Variants in LTBP3 observed in about 807,000 individuals in gnomAD.
LTBP3 encodes latent-transforming growth factor beta-binding protein 3.
A neutral mutation model predicts 159.7 loss-of-function variants in LTBP3; 97 were observed. The observed-to-expected ratio is 0.61, with a 90% confidence interval of 0.52 to 0.72. The LOEUF (loss-of-function observed/expected upper bound fraction) is 0.72. Among genes scored for constraint, LTBP3 ranks in the 30% least tolerant of loss-of-function variants. The pLI is 0.00. For synonymous variants in LTBP3, 824 were observed against 777.1 expected (o/e 1.06, Z -1.00); for missense variants, 1,584 against 1,864.3 (o/e 0.85, Z 2.77).
In LTBP3 at chr11:65,539,204, T is replaced by G. The variant is rs1010749384; in HGVS notation, c.3788A>C (p.Gln1263Pro). ...VDIDECRELNQRGLLCKSERC... is the reference protein window; with the variant it reads ...VDIDECRELNPRGLLCKSERC... ...CTCGCTCTTGCACAGCAGCCCGCGC[T>G]GGTTCAGCTCTCGGCACTCGTCGAT... Residue 1263 changes from glutamine to proline, a missense_variant, in exon 28 of 28, where the codon CAG becomes CCG. Coordinates refer to ENST00000301873, the MANE Select transcript of LTBP3 (RefSeq NM_001130144.3). The G allele has an allele frequency of 6.6e-7, 1 of 1,526,008 alleles. No individual in the cohort carries two copies. The highest frequency in any genetic ancestry group is 1.4e-5 in the African/African-American group (1 of 71,228). The allele number at this position is 1,526,008 out of a possible 1,614,324, so 94.5% of individuals were successfully genotyped here. A position where few individuals can be genotyped will look rare whatever the true frequency, so the allele number is the denominator to read the frequency against.
intron 16 of LTBP3, chr11:65,543,932 C>T: frequency 3.0e-6 from 1 of 331,730 alleles, no homozygotes; most frequent in Non-Finnish European, 6.0e-6. Context: ...TCCCCCGGGA[C>T]ACACTTTCCT....
Position 65,553,202 on chromosome 11 carries a change from G to A in LTBP3, c.1025C>T (p.Pro342Leu), listed in dbSNP as rs1856674742. 4 of 1,614,036 alleles carry A rather than the reference G, an allele frequency of 2.5e-6. No individual in the cohort carries two copies. The Admixed American group carries it at 6.7e-5, about 27-fold the overall frequency. Residue 342 changes from proline (P) to leucine (L), a missense_variant, in exon 5 of 28, where the codon CCC becomes CTC. This residue lies in a region of LTBP3 where 156 missense variants were observed against 259.7 expected (regional missense o/e 0.60). Coordinates refer to ENST00000301873, the MANE Select transcript of LTBP3 (RefSeq NM_001130144.3). The surrounding 1 kb of genome is among the most constrained non-coding windows in gnomAD (Gnocchi z 6.5). ...GCTGTTAAGCCTCTTGTAGCCCTGGGGACAGTCAGCGCCCACTTCCCCACG... is the reference window on the plus strand; with the variant it reads ...GCTGTTAAGCCTCTTGTAGCCCTGGAGACAGTCAGCGCCCACTTCCCCACG... ...PVRGEVGADC[P>L]QGYKRLNSTH...
At chr11:65,543,575 G>A (rs1440774689) in intron 16 of LTBP3, 26 bp from the exon 17 acceptor site, 2 of 1,613,874 alleles carry the variant, frequency 1.2e-6, no homozygotes, top group Non-Finnish European at 1.7e-6. Context: ...GGTGTCAGAG[G>A]ACCAGGCTGG....
In LTBP3 at chr11:65,541,657, A is replaced by G; in HGVS notation, c.2668T>C (p.Tyr890His). ...AAGCCCTCATCGCAGACACACACAT[A>G]GGAGCCCTGAAGGTTCTTGCAGGCC... Reference protein sequence around the residue: ...HGACKNLQGSYVCVCDEGFTP... With the variant: ...HGACKNLQGSHVCVCDEGFTP... The change falls in exon 19 of 28, where the codon TAT becomes CAT. Residue 890 changes from tyrosine to histidine, a missense_variant. This residue lies in a region of LTBP3 where 565 missense variants were observed against 677.7 expected (regional missense o/e 0.83). Transcript: ENST00000301873. 1 of 1,614,120 alleles carries G rather than the reference A, an allele frequency of 6.2e-7. No homozygotes were observed. Among genetic ancestry groups the G allele is most frequent in the Non-Finnish European group, 8.5e-7 (1 of 1,180,014 alleles).
chr11:65,549,018 C>A (rs752594936), intron 11 of LTBP3: 4 of 152,228 alleles, frequency 2.6e-5, no homozygotes, highest in Non-Finnish European at 5.9e-5. Context: ...TGACCTGGGG[C>A]AGGTTACTGA....
rs1389863725 is a variant in LTBP3 at position 65,547,990 on chromosome 11, C to T, written c.1776G>A (p.Pro592=). The T allele has an allele frequency of 2.5e-6, 4 of 1,613,658 alleles. No individual in the cohort carries two copies. Among genetic ancestry groups the T allele is most frequent in the African/African-American group, 1.3e-5 (1 of 74,870 alleles). Residue 592 remains proline (P), a synonymous_variant, in exon 12 of 28, where the codon CCG becomes CCA. Transcript: ENST00000301873. The surrounding 1 kb of genome is among the most constrained non-coding windows in gnomAD (Gnocchi z 4.6). ...AGTGGCAGGAGTAGTCAGGGGGGCC[C>T]GGCACGCACTCTCCGTGGCCACAGA... is the stretch of plus-strand genomic sequence containing the variant. ...QNICGHGECV[P]GPPDYSCHCN... is the part of the protein sequence containing the mutation.
intron 16 of LTBP3, chr11:65,545,589 CTAATA>C (rs2135136080): frequency 4.3e-6 from 1 of 230,634 alleles, no homozygotes; most frequent in South Asian, 1.8e-4. Context: ...CCCAGGAGGT[CTAATA>C]TTTCTCCAAT....
rs569355930 is a variant in LTBP3, at chr11:65,546,719, C to G, written c.2230+79G>C. On this transcript the variant is annotated intron_variant, in intron 15 of 27. Coordinates refer to ENST00000301873, the MANE Select transcript of LTBP3 (RefSeq NM_001130144.3). This position sits in a 1 kb window ranked among gnomAD's most constrained non-coding sequence, Gnocchi z 4.0. ...CCCAGACGCCAATCACCACCGCTAC[C>G]CCGCCCCGCCCCCAGCGGAGCCAGA... 785 of 1,530,618 alleles carry G rather than the reference C, an allele frequency of 5.1e-4. 3 individuals are homozygous for G. In the Middle Eastern group the frequency reaches 5.6e-3, roughly 11 times the overall value. The allele number at this position is 1,530,618 out of a possible 1,614,324, so 94.8% of individuals were successfully genotyped here. A position where few individuals can be genotyped will look rare whatever the true frequency, so the allele number is the denominator to read the frequency against.
chr11:65,540,680 C>T, intron 21 of LTBP3, 66 bp from the exon 22 acceptor site: 3 of 1,421,624 alleles, frequency 2.1e-6, no homozygotes, highest in South Asian at 1.2e-5. Flanking sequence ...GGGCTGGGCG[C>T]ACCACCGGAG....
At chr11:65,541,896 T>C (rs1422298001) in intron 18 of LTBP3, 168 bp from the exon 19 acceptor site, 4 of 740,992 alleles carry the variant, frequency 5.4e-6, no homozygotes, top group Non-Finnish European at 6.9e-6. Context: ...ATGTGGACAT[T>C]AGCTGCTGTC....
intron 18 of LTBP3, chr11:65,542,131 CTT>C (rs891620067): frequency 3.4e-6 from 1 of 293,400 alleles, no homozygotes; most frequent in Non-Finnish European, 6.8e-6. Context: ...AATTACTGCT[CTT>C]TGGTCCTGGA....
chr11:65,556,358 T>A (rs1856813503), intron 1 of LTBP3, among the ~76,000 whole-genome samples: 1 of 152,054 alleles, frequency 6.6e-6, no homozygotes, highest in African/African-American at 2.4e-5. Flanking sequence ...TGAAACTCCA[T>A]CTCTACTAAA....
rs1049561409 is a variant in LTBP3, at chr11:65,539,988, G to C, written c.3385+25C>G. The stretch of plus-strand genomic sequence containing the variant: ...ACGTGACGGACAGGGCCCCGGGATC[G>C]GCCAAGGCCAACCCTCGCCCTCACC... On this transcript the variant is annotated intron_variant, in intron 24 of 27. Transcript: ENST00000301873. 5.7e-5 allele frequency: 84 copies of C among 1,468,334 alleles called. No homozygotes were observed. The African/African-American group carries it at 7.7e-4, about 13-fold the overall frequency. 91.0% of individuals were successfully genotyped at this position (1,468,334 alleles called of 1,614,324 possible).
chr11:65,546,138 G>A lies in LTBP3; in HGVS notation c.2353+304C>T, dbSNP rs1287452226. 4 of 411,702 alleles carry A rather than the reference G, an allele frequency of 9.7e-6. No homozygotes were observed. The highest frequency in any genetic ancestry group is 1.3e-5 in the Non-Finnish European group (3 of 228,500). The allele number at this position is 411,702 out of a possible 1,614,324, so 25.5% of individuals were successfully genotyped here. A position where few individuals can be genotyped will look rare whatever the true frequency, so the allele number is the denominator to read the frequency against. On this transcript the variant is annotated intron_variant, in intron 16 of 27. Coordinates refer to ENST00000301873, the MANE Select transcript of LTBP3 (RefSeq NM_001130144.3). The surrounding 1 kb of genome is among the most constrained non-coding windows in gnomAD (Gnocchi z 4.0). ...CCAGCCCCCAGCCCCGCCTCTTGGC[G>A]TATAATAAACAGGAGTGCAGGGGGG...
chr11:65,539,119 G>A lies in LTBP3; in HGVS notation c.3873C>T (p.Ser1291=). ...RCVCKAGFAR[S]RPHGACVPQR... Reference sequence around the variant, plus strand: ...GGGGAACGCAGGCCCCGTGCGGGCGGCTGCGCGCGAAGCCGGCTTTGCAGA... The same window carrying A: ...GGGGAACGCAGGCCCCGTGCGGGCGACTGCGCGCGAAGCCGGCTTTGCAGA... Residue 1291 remains serine (S), a synonymous_variant, in exon 28 of 28, where the codon AGC becomes AGT. Coordinates refer to ENST00000301873, the MANE Select transcript of LTBP3 (RefSeq NM_001130144.3). The A allele has an allele frequency of 6.8e-7, 1 of 1,475,164 alleles. No homozygotes were observed. The highest frequency in any genetic ancestry group is 9.0e-7 in the Non-Finnish European group (1 of 1,110,576). 91.4% of individuals were successfully genotyped at this position (1,475,164 alleles called of 1,614,324 possible).
chr11:65,552,831 C>A lies in LTBP3; in HGVS notation c.1186+29G>T, dbSNP rs765034972. 1 of 1,614,104 alleles carries A rather than the reference C, an allele frequency of 6.2e-7. No homozygotes were observed. Among genetic ancestry groups the A allele is most frequent in the Non-Finnish European group, 8.5e-7 (1 of 1,179,986 alleles). On this transcript the variant is annotated intron_variant, in intron 6 of 27. Coordinates refer to ENST00000301873, the MANE Select transcript of LTBP3 (RefSeq NM_001130144.3). This position sits in a 1 kb window ranked among gnomAD's most constrained non-coding sequence, Gnocchi z 6.0. ...CTTGCTCCCACCCATGCCTTGTGAC[C>A]TCCCAGGAACCTGAGCCCCAGGTCT...
rs1183435317 is a variant in LTBP3 at position 65,546,591 on chromosome 11, C to T, written c.2231-27G>A. Reference sequence around the variant, plus strand: ...TGCGGCGGAAAGACCTAGCCTCGGACTCTGCCCCACCGGAAGGCGGACCGC... The same window carrying T: ...TGCGGCGGAAAGACCTAGCCTCGGATTCTGCCCCACCGGAAGGCGGACCGC... On this transcript the variant is annotated intron_variant, in intron 15 of 27. Transcript: ENST00000301873. The surrounding 1 kb of genome is among the most constrained non-coding windows in gnomAD (Gnocchi z 4.0). 1.3e-6 allele frequency: 2 copies of T among 1,599,838 alleles called. No homozygotes were observed. Among genetic ancestry groups the T allele is most frequent in the Admixed American group, 1.7e-5 (1 of 59,938 alleles).
Position 65,557,939 on chromosome 11 carries a change from A to G in LTBP3, c.21T>C (p.Ala7=). The G allele has an allele frequency of 8.3e-7, 1 of 1,203,798 alleles. No homozygotes were observed. Among genetic ancestry groups the G allele is most frequent in the Non-Finnish European group, 1.0e-6 (1 of 964,906 alleles). 74.6% of individuals were successfully genotyped at this position (1,203,798 alleles called of 1,614,324 possible). The part of the protein sequence containing the change: MPGPRG[A]AGGLAPEMRG... ...GCATCTCAGGGGCCAGGCCGCCAGC[A>G]GCCCCTCGGGGCCCGGGCATCCGGG... The change falls in exon 1 of 28, where the codon GCT becomes GCC. Residue 7 remains alanine (A), a synonymous_variant. Coordinates refer to ENST00000301873, the MANE Select transcript of LTBP3 (RefSeq NM_001130144.3).
chr11:65,557,605 C>T, intron 1 of LTBP3, 24 bp downstream of exon 1: 1 of 1,606,274 alleles, frequency 6.2e-7, no homozygotes, highest in Non-Finnish European at 8.5e-7. Flanking sequence ...TTCCCCTGCC[C>T]CCAGCCGTGC....
Sources: gnomAD v4.1 joint callset for allele counts (sites outside exome capture counted in the v4.1 genomes callset) on GRCh38, gnomAD v4.1.1 for gene constraint, gnomAD v4.1.1 regional missense constraint, Gnocchi (gnomAD v3.1) non-coding constraint, MANE v1.5 for transcripts, NCBI Gene and HGNC (gene_info 2026-07-23, HGNC 2026-07-21) for gene names.